The following ANO6 variants were observed in gnomAD, a reference collection of about 807,000 sequenced individuals.
The protein encoded by ANO6 is anoctamin 6, also known as anoctamin-6.
Under a neutral mutation model 117.5 loss-of-function variants are expected in ANO6, and 106 were observed. The ratio of observed to expected loss-of-function variants is 0.90; its 90% CI spans 0.77 to 1.06. ANO6 has a LOEUF of 1.06. Ranked by LOEUF, ANO6 falls within the 50% of genes least tolerant of loss-of-function variation. ANO6 has a pLI of 0.00. For synonymous variants in ANO6, 367 were observed against 385.1 expected (o/e 0.95, Z 0.55); for missense variants, 955 against 1,121.1 (o/e 0.85, Z 2.12).
chr12:45,301,950 T>C (rs142587448), intron 1 of ANO6, 64 bp from the exon 2 acceptor site: 1,332 of 1,391,276 alleles, frequency 9.6e-4, no homozygotes, highest in Non-Finnish European at 1.1e-3. Flanking sequence ...GATTTAAAAG[T>C]ACAGAACTAC....
At chr12:45,322,846 G>T (rs1266158618) in intron 2 of ANO6, among the ~76,000 whole-genome samples, 1 of 152,120 alleles carries the variant, frequency 6.6e-6, no homozygotes, top group Non-Finnish European at 1.5e-5. Context: ...AAAAAATTGG[G>T]TGCTTTTATA....
intron 16 of ANO6, among the ~76,000 whole-genome samples, chr12:45,414,482 C>CA (rs1329483181): frequency 6.6e-6 from 1 of 151,986 alleles, no homozygotes; most frequent in Admixed American, 6.6e-5. Context: ...CTAGCTGTGT[C>CA]AATACTTGCA....
chr12:45,381,635 C>T (rs767604482), intron 10 of ANO6, among the ~76,000 whole-genome samples: 3 of 152,148 alleles, frequency 2.0e-5, no homozygotes, highest in African/African-American at 4.8e-5. Flanking sequence ...ACTCACCTGT[C>T]GCTGCAATTC....
chr12:45,439,674 G>C lies in ANO6; in HGVS notation c.2527-1G>C. ...TTTTTTTTTTTTTTTTTTTGAGACA[G>C]TATCTCGCTTTGTTGCCCAGGCTGG... On this transcript the variant is annotated splice_acceptor_variant, in intron 19 of 19. Coordinates refer to the ANO6 transcript ENST00000425752. LOFTEE classifies it high-confidence loss of function. 9.3e-7 allele frequency: 1 copy of C among 1,073,328 alleles called. No homozygotes were observed. Among genetic ancestry groups the C allele is most frequent in the South Asian group, 3.0e-5 (1 of 32,966 alleles). The allele number at this position is 1,073,328 out of a possible 1,614,324, so 66.5% of individuals were successfully genotyped here.
At chr12:45,299,895 TAGG>T (rs1939424245) in intron 1 of ANO6, among the ~76,000 whole-genome samples, 1 of 151,990 alleles carries the variant, frequency 6.6e-6, no homozygotes, top group African/African-American at 2.4e-5. Flanking sequence ...ATCCAAATAT[TAGG>T]AGATTTCTTA....
intron 16 of ANO6, among the ~76,000 whole-genome samples, chr12:45,411,783 C>T (rs1164772820): frequency 6.6e-6 from 1 of 152,214 alleles, no homozygotes; most frequent in Admixed American, 6.5e-5. Flanking sequence ...ACTTTTCAGA[C>T]AGCTTTGCTG....
At chr12:45,394,235 A>G (rs572624225) in intron 12 of ANO6, among the ~76,000 whole-genome samples, 1 of 152,348 alleles carries the variant, frequency 6.6e-6, no homozygotes, top group Admixed American at 6.5e-5. Flanking sequence ...AACAAAGATC[A>G]AAAGAGAGAC....
intron 1 of ANO6, among the ~76,000 whole-genome samples, chr12:45,280,280 T>C (rs1938682290): frequency 6.6e-6 from 1 of 152,224 alleles, no homozygotes; most frequent in African/African-American, 2.4e-5. Context: ...GGACATGGCA[T>C]GTCACCGTGA....
intron 2 of ANO6, among the ~76,000 whole-genome samples, chr12:45,323,935 ATT>A (rs761870704): frequency 0.021 from 2,225 of 108,244 alleles, 34 homozygotes; most frequent in African/African-American, 0.073. Context: ...TTGTTGTTGT[ATT>A]TTTTTTTTTT....
Position 45,429,257 on chromosome 12 carries a change from A to G in ANO6, c.2679A>G (p.Ile893Met). ...LKDMTKNMGV[I>M]AERMIEAVDN... ...ATATGACGAAAAATATGGGGGTGAT[A>G]GCTGAGCGGATGATAGAAGCAGTAG... Residue 893 changes from isoleucine to methionine, a missense_variant, in exon 20 of 20, where the codon ATA becomes ATG. Physicochemically the swap from Ile to Met is conservative, Grantham distance 10. Transcript: ENST00000320560. The G allele has an allele frequency of 6.2e-7, 1 of 1,613,942 alleles. No homozygotes were observed. The highest frequency in any genetic ancestry group is 8.5e-7 in the Non-Finnish European group (1 of 1,179,916).
intron 9 of ANO6, among the ~76,000 whole-genome samples, chr12:45,371,340 G>A (rs1009612602): frequency 3.3e-5 from 5 of 152,226 alleles, no homozygotes; most frequent in African/African-American, 1.2e-4. Flanking sequence ...CAGGAAGCTC[G>A]AACTTGGTGG....
Position 45,227,113 on chromosome 12 carries a change from C to T in ANO6, c.70+10722C>T, listed in dbSNP as rs367974660. ...AAGCTATTCTCCTGCCTCAGGCTCC[C>T]GAGTAACTGGGATTACAGGTGCACG... On this transcript the variant is annotated intron_variant, in intron 1 of 19. Coordinates refer to ENST00000320560, the MANE Select transcript of ANO6 (RefSeq NM_001025356.3). Among the ~76,000 whole-genome samples, 88 of 149,946 alleles carry T rather than the reference C, an allele frequency of 5.9e-4. 1 individual carries two copies. In the South Asian group the frequency reaches 0.015, roughly 25 times the overall value.
intron 8 of ANO6, among the ~76,000 whole-genome samples, chr12:45,360,947 A>G (rs576202600): frequency 2.0e-5 from 3 of 152,316 alleles, no homozygotes; most frequent in South Asian, 4.1e-4. Context: ...ACATGTCTGC[A>G]TTTTATGCAA....
At chr12:45,409,331 A>G (rs1943026457) in intron 15 of ANO6, 26 bp from the exon 16 acceptor site, 8 of 1,612,940 alleles carry the variant, frequency 5.0e-6, no homozygotes, top group Middle Eastern at 1.7e-4. Context: ...TATTCGTTCT[A>G]ATTTATAAAT....
At chr12:45,415,933 T>G (rs1013584384) in intron 16 of ANO6, among the ~76,000 whole-genome samples, 9 of 152,176 alleles carry the variant, frequency 5.9e-5, no homozygotes, top group Non-Finnish European at 1.2e-4. Flanking sequence ...GAGGATATTT[T>G]CTTACTTCTT....
At chr12:45,376,855 TA>T (rs1942038292) in intron 9 of ANO6, among the ~76,000 whole-genome samples, 4 of 129,858 alleles carry the variant, frequency 3.1e-5, no homozygotes, top group Non-Finnish European at 6.6e-5. Flanking sequence ...AGTATAATAA[TA>T]AAAGAAAAAA....
chr12:45,412,518 T>C (rs974006610), intron 16 of ANO6, among the ~76,000 whole-genome samples: 3 of 152,236 alleles, frequency 2.0e-5, no homozygotes, highest in Non-Finnish European at 2.9e-5. Context: ...CCTCCTATGC[T>C]GAACCCACCG....
intron 3 of ANO6, among the ~76,000 whole-genome samples, chr12:45,341,547 G>A (rs1940978958): frequency 6.6e-6 from 1 of 152,086 alleles, no homozygotes; most frequent in African/African-American, 2.4e-5. Context: ...TAGACATGAG[G>A]CAAAAGAGAA....
chr12:45,248,831 T>C (rs1335088720), intron 1 of ANO6, among the ~76,000 whole-genome samples: 3 of 152,240 alleles, frequency 2.0e-5, no homozygotes, highest in African/African-American at 7.2e-5. Context: ...ATAGTAGATG[T>C]GGGTCCTCAC....
Sources: gnomAD v4.1 joint callset for allele counts (sites outside exome capture counted in the v4.1 genomes callset) on GRCh38, gnomAD v4.1.1 for gene constraint, MANE v1.5 for transcripts, NCBI Gene and HGNC (gene_info 2026-07-23, HGNC 2026-07-21) for gene names.